Variants in EXOC4 observed in about 807,000 individuals in gnomAD.
EXOC4 encodes SEC8-like 1.
A neutral mutation model predicts 107.2 loss-of-function variants in EXOC4; 71 were observed. The ratio of observed to expected loss-of-function variants is 0.66; its 90% CI spans 0.55 to 0.81. The LOEUF is 0.81. EXOC4 is among the 30% of genes least tolerant of loss of function. EXOC4 has a pLI of 0.00. For synonymous variants in EXOC4, 456 were observed against 441.2 expected (o/e 1.03, Z -0.42); for missense variants, 1,108 against 1,189.6 (o/e 0.93, Z 1.01).
intron 3 of EXOC4, among the ~76,000 whole-genome samples, chr7:133,297,993 T>C (rs893084463): frequency 2.0e-5 from 3 of 152,200 alleles, no homozygotes; most frequent in African/African-American, 7.2e-5. Flanking sequence ...TGTGGCCAGA[T>C]GGGAACTAGA....
intron 14 of EXOC4, among the ~76,000 whole-genome samples, chr7:133,970,506 G>A (rs528406585): frequency 6.6e-6 from 1 of 152,102 alleles, no homozygotes; most frequent in African/African-American, 2.4e-5. Context: ...TGGTCTGCAG[G>A]TTGCAAAGAC....
Position 133,536,399 on chromosome 7 carries a change from C to G in EXOC4, c.1417+56261C>G, listed in dbSNP as rs150543123. Among the ~76,000 whole-genome samples, 370 of 152,238 alleles carry G rather than the reference C, an allele frequency of 2.4e-3. 5 individuals are homozygous for G. Among genetic ancestry groups the G allele is most frequent in the African/African-American group, 8.3e-3 (346 of 41,534 alleles). On this transcript the variant is annotated intron_variant, in intron 9 of 17. Coordinates refer to ENST00000253861, the MANE Select transcript of EXOC4 (RefSeq NM_021807.4). Reference sequence around the variant, plus strand: ...TAGTAATTCTTGAGATCACGTACATCCACTTTGAAGTTTACTTTGACCATG... The same window carrying G: ...TAGTAATTCTTGAGATCACGTACATGCACTTTGAAGTTTACTTTGACCATG...
At position 133,840,233 on chromosome 7, in the gene EXOC4, T is replaced by C. The variant is rs577622615; in HGVS notation, c.1734+22689T>C. Among the ~76,000 whole-genome samples the C allele has an allele frequency of 3.3e-5, 5 of 152,336 alleles. No individual in the cohort carries two copies. The South Asian group carries it at 1.0e-3, about 32-fold the overall frequency. Reference sequence around the variant, plus strand: ...AGTGAGAGTGAATGGATGTACTGCATGTTATACATAGCTTGCATGAATCTA... The same window carrying C: ...AGTGAGAGTGAATGGATGTACTGCACGTTATACATAGCTTGCATGAATCTA... On this transcript the variant is annotated intron_variant, in intron 11 of 17. Coordinates refer to ENST00000253861, the MANE Select transcript of EXOC4 (RefSeq NM_021807.4).
At chr7:133,631,744 G>C (rs1390445654) in intron 10 of EXOC4, among the ~76,000 whole-genome samples, 1 of 151,960 alleles carries the variant, frequency 6.6e-6, no homozygotes, top group African/African-American at 2.4e-5. Context: ...CAGAATTATA[G>C]ATTAAATAAC....
At chr7:133,970,900 GCCTT>G (rs982985090) in intron 14 of EXOC4, among the ~76,000 whole-genome samples, 6 of 151,788 alleles carry the variant, frequency 4.0e-5, no homozygotes, top group Non-Finnish European at 8.8e-5. Flanking sequence ...CCCCTGACCT[GCCTT>G]CCTTTTCTTC....
chr7:133,805,311 AGGG>A (rs1797048824), intron 10 of EXOC4, among the ~76,000 whole-genome samples: 1 of 152,194 alleles, frequency 6.6e-6, no homozygotes, highest in Non-Finnish European at 1.5e-5. Flanking sequence ...AGAAAATGCA[AGGG>A]AACAGTAGAA....
chr7:133,983,606 C>T (rs1794046007), intron 14 of EXOC4, among the ~76,000 whole-genome samples: 1 of 151,786 alleles, frequency 6.6e-6, no homozygotes, highest in African/African-American at 2.4e-5. Flanking sequence ...GGAAGATTTA[C>T]ATATACTTAA....
intron 11 of EXOC4, among the ~76,000 whole-genome samples, chr7:133,866,768 TA>T: frequency 6.6e-6 from 1 of 152,340 alleles, no homozygotes; most frequent in East Asian, 1.9e-4. Flanking sequence ...AAATTACTTA[TA>T]TATAAGGTGT....
rs1337472275 is a variant in EXOC4, at chr7:133,333,290, T to C, written c.763+15900T>C. Among the ~76,000 whole-genome samples, 6 of 152,190 alleles carry C rather than the reference T, an allele frequency of 3.9e-5. No individual in the cohort carries two copies. In the East Asian group the frequency reaches 1.2e-3, roughly 29 times the overall value. On this transcript the variant is annotated intron_variant, in intron 5 of 17. Transcript: ENST00000253861. ...CCCAAATTTGGCCACTGGTAGCTCCTTCAGGTTGGTTCCTAGGTTGTTTTA... is the reference window on the plus strand; with the variant it reads ...CCCAAATTTGGCCACTGGTAGCTCCCTCAGGTTGGTTCCTAGGTTGTTTTA...
rs530042692 is a variant in EXOC4, at chr7:133,436,670, G to A, written c.1183-38658G>A. ...CTTTAAGTATCATCACATACCCTTC[G>A]TGTGTACGAGCCAGTGGCTTTCAAT... On this transcript the variant is annotated intron_variant, in intron 7 of 17. Coordinates refer to ENST00000253861, the MANE Select transcript of EXOC4 (RefSeq NM_021807.4). Among the ~76,000 whole-genome samples, 36 of 152,164 alleles carry A rather than the reference G, an allele frequency of 2.4e-4. 1 individual carries two copies. The South Asian group carries it at 3.9e-3, about 17-fold the overall frequency.
At chr7:133,632,269 A>G (rs2151016898) in intron 10 of EXOC4, among the ~76,000 whole-genome samples, 1 of 152,240 alleles carries the variant, frequency 6.6e-6, no homozygotes, top group South Asian at 2.1e-4. Context: ...CTTGGTTTCT[A>G]CCTTCATTCA....
chr7:133,628,508 C>G (rs1802510749), intron 9 of EXOC4, among the ~76,000 whole-genome samples: 1 of 152,076 alleles, frequency 6.6e-6, no homozygotes, highest in African/African-American at 2.4e-5. Flanking sequence ...TATCACTTCC[C>G]CTGGAGTGGG....
At chr7:133,624,546 G>T (rs1802408616) in intron 9 of EXOC4, among the ~76,000 whole-genome samples, 1 of 152,116 alleles carries the variant, frequency 6.6e-6, no homozygotes, top group African/African-American at 2.4e-5. Flanking sequence ...TCACACCACT[G>T]CACTCCAGCC....
chr7:133,630,241 A>G, intron 10 of EXOC4, 100 bp downstream of exon 10: 3 of 864,840 alleles, frequency 3.5e-6, no homozygotes, highest in Non-Finnish European at 5.5e-6. Context: ...GAAACAAGTC[A>G]TAAAAGAAAT....
chr7:133,695,924 C>T (rs975884387), intron 10 of EXOC4, among the ~76,000 whole-genome samples: 6 of 152,094 alleles, frequency 3.9e-5, no homozygotes, highest in Non-Finnish European at 7.4e-5. Context: ...GTGGGGATTG[C>T]TTGAAATAAT....
intron 2 of EXOC4, among the ~76,000 whole-genome samples, chr7:133,281,468 A>G (rs1187904982): frequency 1.3e-5 from 2 of 151,548 alleles, no homozygotes; most frequent in East Asian, 3.8e-4. Context: ...AAAATTCAAC[A>G]AAAACAAAGA....
At chr7:133,393,232 C>A (rs1026239880) in intron 7 of EXOC4, among the ~76,000 whole-genome samples, 4 of 152,018 alleles carry the variant, frequency 2.6e-5, no homozygotes, top group African/African-American at 9.7e-5. Flanking sequence ...TTATATTTTT[C>A]TTCCTCTACT....
intron 9 of EXOC4, chr7:133,484,182 A>G: frequency 6.4e-7 from 1 of 1,558,672 alleles, no homozygotes; most frequent in South Asian, 1.2e-5. Flanking sequence ...CCAAGAGGAT[A>G]AAAGGATTAA....
At chr7:133,895,558 C>G (rs774656015) in intron 11 of EXOC4, 41 bp from the exon 12 acceptor site, 28 of 1,599,604 alleles carry the variant, frequency 1.8e-5, no homozygotes, top group Non-Finnish European at 2.4e-5. Flanking sequence ...AACACATTGA[C>G]TACAGAAATC....
Sources: allele counts gnomAD v4.1 joint callset (sites outside exome capture counted in the v4.1 genomes callset), GRCh38; gene constraint gnomAD v4.1.1; transcripts MANE v1.5; gene names NCBI Gene and HGNC (gene_info 2026-07-23, HGNC 2026-07-21).